Variants in AGBL3 observed in about 807,000 individuals in gnomAD.
The protein encoded by AGBL3 is AGBL carboxypeptidase 3.
A neutral mutation model predicts 94.5 loss-of-function variants in AGBL3; 68 were observed. That is an observed-to-expected ratio of 0.72 (90% CI 0.59 to 0.88). The LOEUF (loss-of-function observed/expected upper bound fraction) is 0.88. AGBL3 is among the 40% of genes least tolerant of loss of function. AGBL3 has a pLI of 0.00. For missense variants in AGBL3, 934 were observed against 1,103.8 expected, an observed-to-expected ratio of 0.85 and a Z score of 2.18; for synonymous variants, 354 against 370.7, an observed-to-expected ratio of 0.95 and a Z score of 0.52.
chr7:135,126,862 A>C (rs907748699), intron 16 of AGBL3, among the ~76,000 whole-genome samples: 1 of 152,234 alleles, frequency 6.6e-6, no homozygotes, highest in Non-Finnish European at 1.5e-5. Context: ...TTATACAAAA[A>C]TTAACTGAAG....
chr7:135,114,122 C>CA (rs60251649), intron 15 of AGBL3, among the ~76,000 whole-genome samples: 152,347 of 152,348 alleles, frequency 1, 76,173 homozygotes, highest in Non-Finnish European at 1. Flanking sequence ...GTGTTGCTTA[C>CA]ACTGTTGGCT....
chr7:135,033,789 G>A (rs1256314218), intron 6 of AGBL3, among the ~76,000 whole-genome samples: 1 of 152,074 alleles, frequency 6.6e-6, no homozygotes, highest in African/African-American at 2.4e-5. Flanking sequence ...TATGTCTGAA[G>A]TAAAAAAAGA....
At chr7:135,118,435 C>A (rs1198578036) in intron 16 of AGBL3, among the ~76,000 whole-genome samples, 1 of 152,126 alleles carries the variant, frequency 6.6e-6, no homozygotes, top group Admixed American at 6.6e-5. Context: ...TAATTAGAAG[C>A]CTCCTATCTC....
intron 3 of AGBL3, among the ~76,000 whole-genome samples, chr7:134,992,590 T>C (rs924111301): frequency 1.3e-5 from 2 of 152,216 alleles, no homozygotes; most frequent in African/African-American, 2.4e-5. Context: ...TAAGCATCTG[T>C]TGAATGAATG....
chr7:135,121,160 G>T (rs971453185), intron 16 of AGBL3, among the ~76,000 whole-genome samples: 5 of 152,100 alleles, frequency 3.3e-5, no homozygotes, highest in African/African-American at 1.2e-4. Flanking sequence ...AGCCAAGATG[G>T]TGCCATTGCA....
At chr7:134,993,457 T>C in intron 3 of AGBL3, 36 bp from the exon 4 acceptor site, 1 of 1,477,618 alleles carries the variant, frequency 6.8e-7, no homozygotes. Flanking sequence ...ATTTTTCTTC[T>C]TCCCACTCAT....
At chr7:135,107,557 T>C (rs1038260412) in intron 15 of AGBL3, among the ~76,000 whole-genome samples, 1 of 152,226 alleles carries the variant, frequency 6.6e-6, no homozygotes, top group South Asian at 2.1e-4. Context: ...ATTTCTATTT[T>C]TATTGTGCTG....
intron 11 of AGBL3, among the ~76,000 whole-genome samples, chr7:135,053,424 A>G (rs1818062192): frequency 6.6e-6 from 1 of 152,164 alleles, no homozygotes; most frequent in South Asian, 2.1e-4. Flanking sequence ...CCTGACCAAC[A>G]TGGATAAACC....
chr7:135,087,476 A>G (rs1437733418), intron 15 of AGBL3, among the ~76,000 whole-genome samples: 1 of 151,978 alleles, frequency 6.6e-6, no homozygotes, highest in East Asian at 1.9e-4. Flanking sequence ...ATTGCTATAA[A>G]CTTTCCTCTT....
intron 15 of AGBL3, among the ~76,000 whole-genome samples, chr7:135,111,968 A>T (rs1025283850): frequency 1.7e-4 from 26 of 151,760 alleles, no homozygotes; most frequent in African/African-American, 6.3e-4. Flanking sequence ...CAATGTGTCC[A>T]CTTCCGATCT....
intron 12 of AGBL3, among the ~76,000 whole-genome samples, chr7:135,072,299 CT>C (rs1819995827): frequency 1.3e-5 from 2 of 152,198 alleles, no homozygotes; most frequent in African/African-American, 4.8e-5. Flanking sequence ...AATAGGAACA[CT>C]TTCACACTGT....
chr7:135,093,138 A>G (rs1214112498), intron 15 of AGBL3: 2 of 151,076 alleles, frequency 1.3e-5, no homozygotes, highest in Non-Finnish European at 3.0e-5. Flanking sequence ...AGACAGGGAT[A>G]TTCACTCTCA....
chr7:135,037,467 AG>A lies in AGBL3; in HGVS notation c.1388del (p.Ser463IlefsTer31). 1 of 1,550,432 alleles carries A rather than the reference AG, an allele frequency of 6.4e-7. No individual in the cohort carries two copies. The highest frequency in any genetic ancestry group is 8.7e-7 in the Non-Finnish European group (1 of 1,146,272). ...TTTATACTGTGATCTTCATGGCCAT[AG>A]TAGGAAAGAGAACATCTTCATGTAT... ...VILYCDLHGHSRKENIFMYGC... is the reference protein window; with the variant it reads ...VILYCDLHGHXRKENIFMYGC... On this transcript the variant is annotated frameshift_variant, in exon 8 of 17. Coordinates refer to ENST00000436302, the MANE Select transcript of AGBL3 (RefSeq NM_178563.4). LOFTEE classifies it high-confidence loss of function.
chr7:135,019,314 C>T (rs1814156647), intron 5 of AGBL3, among the ~76,000 whole-genome samples: 2 of 152,134 alleles, frequency 1.3e-5, no homozygotes, highest in African/African-American at 4.8e-5. Context: ...ATTTTCATAA[C>T]AATATCTTTT....
intron 16 of AGBL3, among the ~76,000 whole-genome samples, chr7:135,122,049 G>A (rs187827167): frequency 8.5e-5 from 13 of 152,316 alleles, no homozygotes; most frequent in African/African-American, 2.2e-4. Context: ...CACCACAGCT[G>A]TGTCTGCCTG....
intron 12 of AGBL3, among the ~76,000 whole-genome samples, chr7:135,073,159 T>C (rs1820105255): frequency 6.6e-6 from 1 of 151,970 alleles, no homozygotes; most frequent in Non-Finnish European, 1.5e-5. Flanking sequence ...GGGGAGATGT[T>C]AGTCAAGGGT....
chr7:135,111,182 A>G (rs967066103), intron 15 of AGBL3, among the ~76,000 whole-genome samples: 7 of 115,082 alleles, frequency 6.1e-5, no homozygotes, highest in Admixed American at 4.5e-4. Context: ...TTTCAAAGAA[A>G]TAAATATCCC....
chr7:135,000,709 C>T (rs1453771990), intron 4 of AGBL3, among the ~76,000 whole-genome samples: 2 of 152,214 alleles, frequency 1.3e-5, no homozygotes, highest in Admixed American at 6.5e-5. Flanking sequence ...GGGGCATTTT[C>T]AACTAATGTC....
intron 15 of AGBL3, among the ~76,000 whole-genome samples, chr7:135,096,624 G>GATA (rs1585088072): frequency 2.7e-5 from 4 of 147,932 alleles, no homozygotes; most frequent in South Asian, 2.2e-4. Flanking sequence ...TAGATAGATA[G>GATA]GGCTATTCTT....
Sources: allele counts gnomAD v4.1 joint callset (sites outside exome capture counted in the v4.1 genomes callset), GRCh38; gene constraint gnomAD v4.1.1; transcripts MANE v1.5; gene names NCBI Gene and HGNC (gene_info 2026-07-23, HGNC 2026-07-21).